Variants in GRAMD1C observed in about 807,000 individuals in gnomAD.
The protein encoded by GRAMD1C is protein Aster-C.
In GRAMD1C, 89 loss-of-function variants were observed where a neutral mutation model predicts 97.8. The observed-to-expected ratio is 0.91, with a 90% CI of 0.77 to 1.09. GRAMD1C has a LOEUF of 1.09. Ranked by LOEUF, GRAMD1C falls within the 50% of genes least tolerant of loss-of-function variation. GRAMD1C has a pLI of 0.00. For missense variants in GRAMD1C, 740 were observed against 766.4 expected (o/e 0.97, Z 0.41); for synonymous variants, 256 against 267.0 (o/e 0.96, Z 0.40).
rs1244173582 is a variant in GRAMD1C, at chr3:113,885,673, A to G, written c.540+2841A>G. 3 of 1,518,082 alleles carry G rather than the reference A, an allele frequency of 2.0e-6. No individual in the cohort carries two copies. The African/African-American group carries it at 4.1e-5, about 21-fold the overall frequency. The allele number at this position is 1,518,082 out of a possible 1,614,324, so 94.0% of individuals were successfully genotyped here. On this transcript the variant is annotated intron_variant, in intron 6 of 17. Coordinates refer to ENST00000358160, the MANE Select transcript of GRAMD1C (RefSeq NM_017577.5). ...CTGGAAGTGGTGAGCCAGTGGTACGAGCTGGTGGTGTTTACAGAAAGCATG... is the reference window on the plus strand; with the variant it reads ...CTGGAAGTGGTGAGCCAGTGGTACGGGCTGGTGGTGTTTACAGAAAGCATG...
intron 17 of GRAMD1C, 73 bp from the exon 18 acceptor site, chr3:113,945,325 G>T: frequency 1.2e-6 from 1 of 863,258 alleles, no homozygotes; most frequent in South Asian, 1.5e-5. Context: ...GTAAATTTTG[G>T]GCATAAAAAA....
At chr3:113,841,366 A>G (rs1406978293) in intron 1 of GRAMD1C, among the ~76,000 whole-genome samples, 2 of 131,348 alleles carry the variant, frequency 1.5e-5, no homozygotes, top group Admixed American at 8.9e-5. Flanking sequence ...GCTCACCGCA[A>G]CCTCCACCTC....
chr3:113,882,961 A>C, intron 6 of GRAMD1C, 129 bp downstream of exon 6: 1 of 502,406 alleles, frequency 2.0e-6, no homozygotes, highest in Admixed American at 3.3e-5. Flanking sequence ...TAGAAACTTC[A>C]ATCAAAGCAA....
intron 6 of GRAMD1C, among the ~76,000 whole-genome samples, chr3:113,899,520 C>T (rs1936067707): frequency 6.6e-6 from 1 of 152,126 alleles, no homozygotes; most frequent in Non-Finnish European, 1.5e-5. Context: ...TGTTTATTCT[C>T]CTTAGCATCT....
chr3:113,926,703 G>A (rs1937239726), intron 10 of GRAMD1C, among the ~76,000 whole-genome samples: 1 of 152,086 alleles, frequency 6.6e-6, no homozygotes, highest in Non-Finnish European at 1.5e-5. Context: ...GATGCCTGTG[G>A]GGGTTTGATT....
intron 2 of GRAMD1C, among the ~76,000 whole-genome samples, chr3:113,855,208 G>A (rs1298226286): frequency 6.6e-6 from 1 of 152,198 alleles, no homozygotes; most frequent in Non-Finnish European, 1.5e-5. Context: ...CTAATTGGGA[G>A]GCTGAGGCAG....
Position 113,934,465 on chromosome 3 carries a change from A to G in GRAMD1C, c.1386A>G (p.Pro462=). The change falls in exon 13 of 18, where the codon CCA becomes CCG. Residue 462 remains proline (P), a synonymous_variant. Transcript: ENST00000358160. ...CAGATTTGAAATACAGAAAACAGCCATGGGGCCTTGTCAAATCTTTAATTG... is the reference window on the plus strand; with the variant it reads ...CAGATTTGAAATACAGAAAACAGCCGTGGGGCCTTGTCAAATCTTTAATTG... ...VSTDLKYRKQ[P]WGLVKSLIEK... 1 of 1,577,480 alleles carries G rather than the reference A, an allele frequency of 6.3e-7. No individual in the cohort carries two copies. The highest frequency in any genetic ancestry group is 1.1e-5 in the South Asian group (1 of 87,978).
At chr3:113,944,506 A>G (rs1330425878) in intron 17 of GRAMD1C, among the ~76,000 whole-genome samples, 1 of 152,220 alleles carries the variant, frequency 6.6e-6, no homozygotes, top group African/African-American at 2.4e-5. Context: ...AGGATTCCCA[A>G]ACTGATTATG....
At chr3:113,945,012 G>A (rs765375742) in intron 17 of GRAMD1C, among the ~76,000 whole-genome samples, 3 of 152,220 alleles carry the variant, frequency 2.0e-5, no homozygotes, top group Non-Finnish European at 4.4e-5. Flanking sequence ...TAAGTTTTAG[G>A]TGAAGAACAT....
chr3:113,847,144 C>G (rs1406166287), intron 2 of GRAMD1C, among the ~76,000 whole-genome samples: 2 of 151,976 alleles, frequency 1.3e-5, no homozygotes, highest in African/African-American at 4.8e-5. Flanking sequence ...CATAGAGATA[C>G]CAGCAAGAAA....
chr3:113,904,610 GTT>G (rs199523688), intron 8 of GRAMD1C, among the ~76,000 whole-genome samples: 39,978 of 146,744 alleles, frequency 0.27, 6,154 homozygotes, highest in East Asian at 0.42. Context: ...GAAAGAATCT[GTT>G]TTTTTTTTTT....
chr3:113,913,668 G>A (rs1936696698), intron 9 of GRAMD1C, among the ~76,000 whole-genome samples: 1 of 152,092 alleles, frequency 6.6e-6, no homozygotes, highest in Non-Finnish European at 1.5e-5. Flanking sequence ...TATTTAAAGT[G>A]TATGGCGATT....
chr3:113,860,551 G>A lies in GRAMD1C; in HGVS notation c.175-8956G>A, dbSNP rs148000875. Among the ~76,000 whole-genome samples the A allele has an allele frequency of 2.3e-3, 346 of 152,250 alleles. 2 individuals carry two copies. The highest frequency in any genetic ancestry group is 8.0e-3 in the African/African-American group (332 of 41,554). On this transcript the variant is annotated intron_variant, in intron 2 of 17. Coordinates refer to ENST00000358160, the MANE Select transcript of GRAMD1C (RefSeq NM_017577.5). The stretch of plus-strand genomic sequence containing the variant: ...GCAGTACCCAAGCTCCTATGGATAT[G>A]CAAAGGACCCAGAATAGCCAAAATA...
chr3:113,926,977 T>C (rs1352053187), intron 10 of GRAMD1C, among the ~76,000 whole-genome samples: 1 of 152,120 alleles, frequency 6.6e-6, no homozygotes, highest in Non-Finnish European at 1.5e-5. Context: ...GTGGTGGCAG[T>C]AGGATCTGTG....
chr3:113,833,127 T>C (rs1469096773), intron 1 of GRAMD1C, among the ~76,000 whole-genome samples: 7 of 147,314 alleles, frequency 4.8e-5, no homozygotes, highest in African/African-American at 1.5e-4. Flanking sequence ...TTTCTTTTTT[T>C]TTTTTTTTGT....
intron 10 of GRAMD1C, among the ~76,000 whole-genome samples, chr3:113,928,818 G>C (rs1937315737): frequency 6.6e-6 from 1 of 152,174 alleles, no homozygotes; most frequent in African/African-American, 2.4e-5. Flanking sequence ...CTTTTTTAAA[G>C]CTGAATAATA....
intron 2 of GRAMD1C, among the ~76,000 whole-genome samples, chr3:113,845,920 T>A (rs1051715713): frequency 3.3e-5 from 5 of 152,142 alleles, no homozygotes; most frequent in Non-Finnish European, 2.9e-5. Flanking sequence ...AACGTTTGAT[T>A]TCCTATTAAG....
chr3:113,889,740 G>T lies in GRAMD1C; in HGVS notation c.540+6908G>T, dbSNP rs551872595. 2.6e-5 allele frequency among the ~76,000 whole-genome samples: 4 copies of T among 152,092 alleles called. No homozygotes were observed. The East Asian group carries it at 7.7e-4, about 29-fold the overall frequency. On this transcript the variant is annotated intron_variant, in intron 6 of 17. Transcript: ENST00000358160. ...TGCAACCTCTGTCTCCTAGGTTCAA[G>T]TGATTCTCCTGCCTCAGCCTCCCGA...
chr3:113,911,189 C>CACACACACACACACACAT (rs1553723507), intron 9 of GRAMD1C, among the ~76,000 whole-genome samples: 2 of 150,514 alleles, frequency 1.3e-5, no homozygotes, highest in African/African-American at 2.4e-5. Flanking sequence ...CACACACACA[C>CACACACACACACACACAT]GCACACGAGA....
Sources: allele counts gnomAD v4.1 joint callset (sites outside exome capture counted in the v4.1 genomes callset), GRCh38; gene constraint gnomAD v4.1.1; transcripts MANE v1.5; gene names NCBI Gene and HGNC (gene_info 2026-07-23, HGNC 2026-07-21).